The following PALLD variants were observed in gnomAD, a reference collection of about 807,000 sequenced individuals.
PALLD encodes the protein palladin.
A neutral mutation model predicts 123.5 loss-of-function variants in PALLD; 61 were observed. The ratio of observed to expected loss-of-function variants is 0.49; its 90% confidence interval spans 0.40 to 0.61. The LOEUF (loss-of-function observed/expected upper bound fraction) is 0.61. Among genes scored for constraint, PALLD ranks in the 20% least tolerant of loss-of-function variants. PALLD has a pLI of 0.00. For missense variants in PALLD, 1,273 were observed against 1,377.0 expected (o/e 0.92, Z 1.20); for synonymous variants, 465 against 496.4 (o/e 0.94, Z 0.84).
intron 10 of PALLD, among the ~76,000 whole-genome samples, chr4:168,839,493 A>G (rs1745705764): frequency 1.3e-5 from 2 of 150,840 alleles, no homozygotes; most frequent in African/African-American, 4.9e-5. Context: ...AGCTGAGCGA[A>G]TGGCAAAGGA....
At chr4:168,760,532 G>C (rs1270280283) in intron 10 of PALLD, among the ~76,000 whole-genome samples, 1 of 152,060 alleles carries the variant, frequency 6.6e-6, no homozygotes, top group Non-Finnish European at 1.5e-5. Context: ...GGCGTACCGG[G>C]TGCCTCAGAA....
intron 10 of PALLD, among the ~76,000 whole-genome samples, chr4:168,797,824 C>G (rs1185744996): frequency 6.6e-6 from 1 of 152,060 alleles, no homozygotes. Context: ...TCTACCACCT[C>G]AACCCCACCC....
chr4:168,661,231 A>G (rs183388838), intron 2 of PALLD, among the ~76,000 whole-genome samples: 121 of 152,284 alleles, frequency 7.9e-4, no homozygotes, highest in Non-Finnish European at 1.4e-3. Flanking sequence ...ATGTGATGGA[A>G]AAATCTAAGC....
intron 17 of PALLD, among the ~76,000 whole-genome samples, chr4:168,917,531 C>G (rs181514868): frequency 0.014 from 2,075 of 152,170 alleles, 15 homozygotes; most frequent in Non-Finnish European, 0.021. Context: ...TTTTTGCCCC[C>G]TGTTTACTGA....
At chr4:168,593,440 A>AAAAAAAATAAAAAG (rs1554047277) in intron 2 of PALLD, among the ~76,000 whole-genome samples, 1 of 140,896 alleles carries the variant, frequency 7.1e-6, no homozygotes, top group Non-Finnish European at 1.5e-5. Flanking sequence ...ACCAGGCAAA[A>AAAAAAAATAAAAAG]AAAAAAGAAA....
At chr4:168,713,830 A>C (rs1785067545) in intron 10 of PALLD, among the ~76,000 whole-genome samples, 1 of 150,126 alleles carries the variant, frequency 6.7e-6, no homozygotes, top group Admixed American at 6.6e-5. Flanking sequence ...ATGAGGCCCA[A>C]ATAAATAGGT....
chr4:168,912,086 T>C (rs1560908665), intron 15 of PALLD, among the ~76,000 whole-genome samples: 1 of 152,120 alleles, frequency 6.6e-6, no homozygotes, highest in Non-Finnish European at 1.5e-5. Context: ...AATCTTGCTA[T>C]GGGATTTTTC....
chr4:168,639,835 T>A (rs11941042), intron 2 of PALLD, among the ~76,000 whole-genome samples: 4 of 152,192 alleles, frequency 2.6e-5, no homozygotes, highest in African/African-American at 9.6e-5. Context: ...TGAGCCACCG[T>A]GCCCGGCCTG....
chr4:168,891,209 C>T, intron 11 of PALLD, 152 bp downstream of exon 11: 1 of 862,076 alleles, frequency 1.2e-6, no homozygotes, highest in South Asian at 1.5e-5. Context: ...GTCACCCATG[C>T]TGGAGTGCAA....
At chr4:168,756,220 C>G in intron 10 of PALLD, 1 of 185,088 alleles carries the variant, frequency 5.4e-6, no homozygotes, top group Non-Finnish European at 1.1e-5. Flanking sequence ...TTCAATATCC[C>G]AAGCCCAGAA....
chr4:168,785,846 G>GATAGATATATATATATAT (rs1554082460), intron 10 of PALLD, among the ~76,000 whole-genome samples: 1 of 80,898 alleles, frequency 1.2e-5, no homozygotes, highest in Non-Finnish European at 2.8e-5. Flanking sequence ...AAACTGTAGA[G>GATAGATATATATATATAT]ATATATATAT....
chr4:168,719,091 A>G (rs768051148), intron 10 of PALLD, among the ~76,000 whole-genome samples: 8 of 151,180 alleles, frequency 5.3e-5, no homozygotes, highest in Non-Finnish European at 8.8e-5. Flanking sequence ...TATTTTTAGT[A>G]GAGACGGGGT....
intron 2 of PALLD, among the ~76,000 whole-genome samples, chr4:168,595,981 T>C (rs1771937207): frequency 6.6e-6 from 1 of 151,934 alleles, no homozygotes. Context: ...AACTTTCAAT[T>C]ATGACCAAAG....
intron 10 of PALLD, among the ~76,000 whole-genome samples, chr4:168,867,445 A>G (rs924472769): frequency 1.3e-5 from 2 of 152,240 alleles, no homozygotes; most frequent in Non-Finnish European, 2.9e-5. Context: ...TTTAAGTTAC[A>G]AACTTATGGA....
chr4:168,896,617 T>C lies in PALLD; in HGVS notation c.2250+18T>C. ...GTCAAAAGGTTAAGCTTTTCACCTTTCTTCTCCTTCCAGTCTTTCTCTGTG... is the reference window on the plus strand; with the variant it reads ...GTCAAAAGGTTAAGCTTTTCACCTTCCTTCTCCTTCCAGTCTTTCTCTGTG... On this transcript the variant is annotated intron_variant, in intron 13 of 21. Transcript: ENST00000505667. 7.1e-7 allele frequency: 1 copy of C among 1,416,934 alleles called. No individual in the cohort carries two copies. The highest frequency in any genetic ancestry group is 2.5e-5 in the East Asian group (1 of 40,292). 87.8% of individuals were successfully genotyped at this position (1,416,934 alleles called of 1,614,324 possible).
chr4:168,526,178 G>C (rs1248775477), intron 2 of PALLD, among the ~76,000 whole-genome samples: 1 of 152,202 alleles, frequency 6.6e-6, no homozygotes, highest in Admixed American at 6.5e-5. Flanking sequence ...CATGAGGCCA[G>C]CTCTTAGCTA....
intron 6 of PALLD, 64 bp from the exon 7 acceptor site, chr4:168,690,539 G>C: frequency 6.3e-7 from 1 of 1,596,348 alleles, no homozygotes; most frequent in Admixed American, 1.7e-5. Flanking sequence ...ATTCTGTGTT[G>C]TGAAATTGCT....
intron 10 of PALLD, among the ~76,000 whole-genome samples, chr4:168,849,232 G>A (rs1747374163): frequency 6.6e-6 from 1 of 152,256 alleles, no homozygotes; most frequent in South Asian, 2.1e-4. Context: ...GGAGCTGATT[G>A]TAATGCGTTC....
chr4:168,747,807 T>A (rs1024167777), intron 10 of PALLD, among the ~76,000 whole-genome samples: 1 of 152,228 alleles, frequency 6.6e-6, no homozygotes, highest in Non-Finnish European at 1.5e-5. Flanking sequence ...TGAGATACTG[T>A]AAATATCTTC....
Sources: gnomAD v4.1 joint callset for allele counts (sites outside exome capture counted in the v4.1 genomes callset) on GRCh38, gnomAD v4.1.1 for gene constraint, MANE v1.5 for transcripts, NCBI Gene and HGNC (gene_info 2026-07-23, HGNC 2026-07-21) for gene names.